Variants in CTNNB1 observed in about 807,000 individuals in gnomAD.
The protein encoded by CTNNB1 is catenin beta-1.
In CTNNB1, 6 loss-of-function variants were observed where a neutral mutation model predicts 82.5. The ratio of observed to expected loss-of-function variants is 0.07; its 90% confidence interval spans 0.04 to 0.14. CTNNB1 has a LOEUF of 0.14. CTNNB1 is among the 10% of genes least tolerant of loss of function. The pLI is 1.00. For synonymous variants in CTNNB1, 312 were observed against 329.7 expected (o/e 0.95, Z 0.58); for missense variants, 529 against 980.4 (o/e 0.54, Z 6.15).
At position 41,206,402 on chromosome 3, in the gene CTNNB1, T is replaced by C. The variant is rs1308298009; in HGVS notation, c.-49+6732T>C. Among the ~76,000 whole-genome samples, 3 of 152,150 alleles carry C rather than the reference T, an allele frequency of 2.0e-5. No homozygotes were observed. The East Asian group carries it at 5.8e-4, about 29-fold the overall frequency. Reference sequence around the variant, plus strand: ...TAACAGGGTTTTGTAATAGCAGAAATAGATATATGCATATATATGTGCATA... The same window carrying C: ...TAACAGGGTTTTGTAATAGCAGAAACAGATATATGCATATATATGTGCATA... On this transcript the variant is annotated intron_variant, in intron 1 of 14. Transcript: ENST00000349496.
chr3:41,240,185 C>CAAAT lies in CTNNB1; in HGVS notation c.*845_*848dup, dbSNP rs1428096068. ...GTGTAGCCTTTTTGTATAAAATAGACAAATAGAAAATGGTCCAATTAGTTT... is the reference window on the plus strand; with the variant it reads ...GTGTAGCCTTTTTGTATAAAATAGACAAATAAATAGAAAATGGTCCAATTAGTTT... On this transcript the variant is annotated 3_prime_UTR_variant, in exon 15 of 15. Transcript: ENST00000349496. The CAAAT allele has an allele frequency of 9.9e-6, 2 of 201,976 alleles. No individual in the cohort carries two copies. Among genetic ancestry groups the CAAAT allele is most frequent in the Non-Finnish European group, 1.0e-5 (1 of 98,050 alleles). 12.5% of individuals were successfully genotyped at this position (201,976 alleles called of 1,614,324 possible).
At chr3:41,200,696 G>A (rs2077509617) in intron 1 of CTNNB1, among the ~76,000 whole-genome samples, 1 of 152,206 alleles carries the variant, frequency 6.6e-6, no homozygotes, top group African/African-American at 2.4e-5. Context: ...TTCTTTCAGT[G>A]TTTTGTCTGG....
At position 41,233,705 on chromosome 3, in the gene CTNNB1, T is replaced by C. The variant is rs1360569269; in HGVS notation, c.1362T>C (p.Ala454=). Residue 454 remains alanine, a synonymous_variant, in exon 9 of 15, where the codon GCT becomes GCC. Transcript: ENST00000349496. ...CTCTTGTGCGTACTGTCCTTCGGGC[T>C]GGTGACAGGGAAGACATCACTGAGC... ...IEALVRTVLR[A]GDREDITEPA... 1.2e-6 allele frequency: 2 copies of C among 1,614,030 alleles called. No individual in the cohort carries two copies. The highest frequency in any genetic ancestry group is 2.7e-5 in the African/African-American group (2 of 74,924).
At chr3:41,230,785 C>T (rs923412344) in intron 7 of CTNNB1, among the ~76,000 whole-genome samples, 3 of 152,144 alleles carry the variant, frequency 2.0e-5, no homozygotes, top group African/African-American at 7.2e-5. Flanking sequence ...AGAAAAGGAA[C>T]ACCATGTGCT....
chr3:41,233,687 G>A lies in CTNNB1; in HGVS notation c.1344G>A (p.Val448=), dbSNP rs2078363594. Residue 448 remains valine (V), a synonymous_variant, in exon 9 of 15, where the codon GTG becomes GTA. Transcript: ENST00000349496. ...AAGTGGGTGGTATAGAGGCTCTTGTGCGTACTGTCCTTCGGGCTGGTGACA... is the reference window on the plus strand; with the variant it reads ...AAGTGGGTGGTATAGAGGCTCTTGTACGTACTGTCCTTCGGGCTGGTGACA... The part of the protein sequence containing the change: ...VCQVGGIEAL[V]RTVLRAGDRE... The A allele has an allele frequency of 6.2e-7, 1 of 1,614,080 alleles. No individual in the cohort carries two copies. Among genetic ancestry groups the A allele is most frequent in the Non-Finnish European group, 8.5e-7 (1 of 1,180,018 alleles).
intron 1 of CTNNB1, among the ~76,000 whole-genome samples, chr3:41,219,521 A>G (rs552444516): frequency 2.0e-5 from 3 of 152,366 alleles, no homozygotes; most frequent in African/African-American, 7.2e-5. Flanking sequence ...CCAAAAGCCT[A>G]CATTACATGT....
At chr3:41,212,538 AC>A (rs1559459521) in intron 1 of CTNNB1, among the ~76,000 whole-genome samples, 1 of 152,064 alleles carries the variant, frequency 6.6e-6, no homozygotes, top group African/African-American at 2.4e-5. Flanking sequence ...TTTAGTCTTG[AC>A]CCCTGCCTTT....
chr3:41,210,589 A>G (rs2077757756), intron 1 of CTNNB1, among the ~76,000 whole-genome samples: 1 of 152,118 alleles, frequency 6.6e-6, no homozygotes, highest in South Asian at 2.1e-4. Flanking sequence ...GTAAACATAA[A>G]TGGAGCTGCC....
At chr3:41,207,076 C>T (rs1284636811) in intron 1 of CTNNB1, among the ~76,000 whole-genome samples, 1 of 152,120 alleles carries the variant, frequency 6.6e-6, no homozygotes, top group Non-Finnish European at 1.5e-5. Context: ...AGTTGTCCCC[C>T]GTTGATCACT....
chr3:41,227,996 A>G (rs1197186483), intron 7 of CTNNB1, among the ~76,000 whole-genome samples: 1 of 152,154 alleles, frequency 6.6e-6, no homozygotes, highest in Non-Finnish European at 1.5e-5. Flanking sequence ...TTCCTATGTT[A>G]GTTTGCTTAG....
chr3:41,230,502 G>GTA (rs2078282809), intron 7 of CTNNB1, among the ~76,000 whole-genome samples: 1 of 152,188 alleles, frequency 6.6e-6, no homozygotes, highest in Non-Finnish European at 1.5e-5. Context: ...TAGGCACATA[G>GTA]TATACATTGG....
chr3:41,219,131 T>C (rs1444749032), intron 1 of CTNNB1, among the ~76,000 whole-genome samples: 2 of 152,222 alleles, frequency 1.3e-5, no homozygotes, highest in Non-Finnish European at 2.9e-5. Flanking sequence ...TGCTTTAACA[T>C]TATCAGTCTT....
chr3:41,215,783 G>A (rs769745367), intron 1 of CTNNB1, among the ~76,000 whole-genome samples: 2 of 152,156 alleles, frequency 1.3e-5, no homozygotes, highest in Non-Finnish European at 2.9e-5. Context: ...AGATTAACAT[G>A]TAGAAACTTT....
intron 1 of CTNNB1, chr3:41,220,430 C>T (rs750472575): frequency 9.3e-5 from 12 of 128,396 alleles, no homozygotes; most frequent in African/African-American, 1.1e-4. Context: ...CCCCCCTCCC[C>T]GAAGAAAGCT....
At chr3:41,200,193 G>A (rs901743761) in intron 1 of CTNNB1, 8 of 152,194 alleles carry the variant, frequency 5.3e-5, no homozygotes, top group Non-Finnish European at 1.2e-4. Context: ...TTTCTCTTAA[G>A]ATTTCCTCTT....
At chr3:41,228,769 T>C (rs2078237077) in intron 7 of CTNNB1, among the ~76,000 whole-genome samples, 1 of 152,222 alleles carries the variant, frequency 6.6e-6, no homozygotes. Context: ...TTGCAACTTC[T>C]CTTGGCATCT....
chr3:41,199,723 G>T (rs1234849969), intron 1 of CTNNB1, 53 bp downstream of exon 1: 1 of 152,080 alleles, frequency 6.6e-6, no homozygotes, highest in Non-Finnish European at 1.5e-5. Context: ...GCTTCCTCTC[G>T]GAGCCAAACT....
At chr3:41,208,113 T>G (rs1197045829) in intron 1 of CTNNB1, among the ~76,000 whole-genome samples, 1 of 152,210 alleles carries the variant, frequency 6.6e-6, no homozygotes, top group African/African-American at 2.4e-5. Context: ...TCTGTCATAA[T>G]TCTTGGTGAC....
intron 7 of CTNNB1, chr3:41,233,055 T>A (rs1163428373): frequency 2.0e-6 from 1 of 510,408 alleles, no homozygotes; most frequent in Non-Finnish European, 3.5e-6. Context: ...TGAAAAGAAA[T>A]GAGTAATAAG....
Sources: gnomAD v4.1 joint callset for allele counts (sites outside exome capture counted in the v4.1 genomes callset) on GRCh38, gnomAD v4.1.1 for gene constraint, MANE v1.5 for transcripts, NCBI Gene and HGNC (gene_info 2026-07-23, HGNC 2026-07-21) for gene names.